FBXO36: variants seen among roughly 807,000 people sequenced by gnomAD.
FBXO36 encodes F-box only protein 36.
FBXO36 carries 18 observed loss-of-function variants against 17.0 expected under a neutral mutation model. The ratio of observed to expected loss-of-function variants is 1.06; its 90% CI spans 0.73 to 1.57. The LOEUF is 1.57. Ranked by LOEUF, FBXO36 falls within the 40% of genes most tolerant of loss-of-function variation. FBXO36 has a pLI of 0.00. For missense variants in FBXO36, 229 were observed against 221.9 expected, an observed-to-expected ratio of 1.03 and a Z score of -0.20; for synonymous variants, 83 against 85.3, an observed-to-expected ratio of 0.97 and a Z score of 0.15.
intron 1 of FBXO36, among the ~76,000 whole-genome samples, chr2:229,945,552 C>T (rs1181525681): frequency 1.3e-5 from 2 of 151,842 alleles, no homozygotes; most frequent in Non-Finnish European, 2.9e-5. Context: ...GTGATCCACC[C>T]GCCTTGGCTT....
At chr2:229,969,384 T>TA (rs756723393) in intron 1 of FBXO36, among the ~76,000 whole-genome samples, 266 of 118,602 alleles carry the variant, frequency 2.2e-3, no homozygotes, top group East Asian at 9.0e-3. Context: ...ACTCACAAAT[T>TA]AAAAAAAAAA....
At chr2:229,962,671 C>T (rs1345961629) in intron 1 of FBXO36, among the ~76,000 whole-genome samples, 2 of 151,262 alleles carry the variant, frequency 1.3e-5, no homozygotes, top group African/African-American at 4.9e-5. Context: ...CACTCAGCAG[C>T]CTTGGCATTT....
At chr2:229,984,348 AAAAC>A (rs1290211849) in intron 2 of FBXO36, among the ~76,000 whole-genome samples, 1 of 151,822 alleles carries the variant, frequency 6.6e-6, no homozygotes, top group Non-Finnish European at 1.5e-5. Flanking sequence ...CTCTATCTCA[AAAAC>A]AAACAAAAAA....
intron 1 of FBXO36, among the ~76,000 whole-genome samples, chr2:229,952,520 G>A (rs541079351): frequency 6.6e-6 from 1 of 152,302 alleles, no homozygotes; most frequent in African/African-American, 2.4e-5. Context: ...TTTCAATCAA[G>A]TTGGGGAGTG....
Position 229,922,574 on chromosome 2 carries a change from A to G in FBXO36, c.61A>G (p.Lys21Glu). 1 of 1,614,068 alleles carries G rather than the reference A, an allele frequency of 6.2e-7. No individual in the cohort carries two copies. The highest frequency in any genetic ancestry group is 8.5e-7 in the Non-Finnish European group (1 of 1,180,006). Residue 21 changes from lysine (K) to glutamate (E), a missense_variant, in exon 1 of 4, where the codon AAA becomes GAA. Physicochemically the swap from Lys to Glu is moderately conservative, Grantham distance 56 (BLOSUM62 1). Transcript: ENST00000283946. ...TGTAGGACAAGGCCCGCCGCCTAGC[A>G]AAGACTATTACCAGTTACTGGTCAC... Reference protein sequence around the residue: ...ETVGQGPPPSKDYYQLLVTRS... With the variant: ...ETVGQGPPPSEDYYQLLVTRS...
Position 229,933,596 on chromosome 2 carries a change from G to A in FBXO36, c.96+10987G>A, listed in dbSNP as rs1336118577. Among the ~76,000 whole-genome samples the A allele has an allele frequency of 3.3e-5, 5 of 151,986 alleles. No homozygotes were observed. The South Asian group carries it at 6.2e-4, about 19-fold the overall frequency. On this transcript the variant is annotated intron_variant, in intron 1 of 3. Transcript: ENST00000283946. Reference sequence around the variant, plus strand: ...CATCATGAGCCGGGTGCAGGGGTGCGAGCCTATAGTCCCAGCTATTGAGAA... The same window carrying A: ...CATCATGAGCCGGGTGCAGGGGTGCAAGCCTATAGTCCCAGCTATTGAGAA...
chr2:229,997,379 A>G (rs1489648847), intron 3 of FBXO36, among the ~76,000 whole-genome samples: 1 of 151,656 alleles, frequency 6.6e-6, no homozygotes, highest in Admixed American at 6.6e-5. Context: ...GGAGTTTGAG[A>G]CCAGCCTGGC....
intron 1 of FBXO36, among the ~76,000 whole-genome samples, chr2:229,934,495 C>T (rs1420087712): frequency 6.6e-6 from 1 of 152,118 alleles, no homozygotes; most frequent in Non-Finnish European, 1.5e-5. Flanking sequence ...GACCACAGCA[C>T]CCTCTTTTCC....
intron 2 of FBXO36, among the ~76,000 whole-genome samples, chr2:229,981,375 T>C (rs1468154185): frequency 1.3e-5 from 2 of 151,946 alleles, no homozygotes; most frequent in African/African-American, 4.8e-5. Context: ...ATACCTGATA[T>C]ATGAACAGAT....
In FBXO36 at chr2:229,922,556, C is replaced by G. The variant is rs887670235; in HGVS notation, c.43C>G (p.Gln15Glu). 7 of 1,613,964 alleles carry G rather than the reference C, an allele frequency of 4.3e-6. No individual in the cohort carries two copies. The highest frequency in any genetic ancestry group is 5.9e-6 in the Non-Finnish European group (7 of 1,180,020). The stretch of plus-strand genomic sequence containing the variant: ...GGAGACTCTCTTTGAAACTGTAGGA[C>G]AAGGCCCGCCGCCTAGCAAAGACTA... ...LPETLFETVG[Q>E]GPPPSKDYYQ... The change falls in exon 1 of 4, where the codon CAA (glutamine) becomes GAA (glutamate). Residue 15 changes from glutamine to glutamate, a missense_variant. Coordinates refer to ENST00000283946, the MANE Select transcript of FBXO36 (RefSeq NM_174899.5).
At chr2:229,986,533 ATTTTTTT>A (rs1223670808) in intron 2 of FBXO36, among the ~76,000 whole-genome samples, 1 of 140,364 alleles carries the variant, frequency 7.1e-6, no homozygotes, top group African/African-American at 2.6e-5. Flanking sequence ...AAACATAAAA[ATTTTTTT>A]TTTTTTTTTT....
At chr2:229,972,618 A>T (rs1032452663) in intron 1 of FBXO36, among the ~76,000 whole-genome samples, 5 of 151,688 alleles carry the variant, frequency 3.3e-5, no homozygotes, top group African/African-American at 4.8e-5. Flanking sequence ...GGCACTTTGG[A>T]TATTCTCTCA....
At chr2:229,995,573 TC>T (rs1202864307) in intron 2 of FBXO36, among the ~76,000 whole-genome samples, 3 of 147,240 alleles carry the variant, frequency 2.0e-5, no homozygotes, top group Non-Finnish European at 4.5e-5. Flanking sequence ...TTTCTTTCTT[TC>T]TTTCTTTCTC....
intron 2 of FBXO36, among the ~76,000 whole-genome samples, chr2:229,987,828 G>A (rs916658427): frequency 6.6e-6 from 1 of 151,882 alleles, no homozygotes; most frequent in African/African-American, 2.4e-5. Flanking sequence ...ACTATGGTGC[G>A]CAGGCTGGTC....
In FBXO36 at chr2:229,939,584, C is replaced by T. The variant is rs552385597; in HGVS notation, c.96+16975C>T. On this transcript the variant is annotated intron_variant, in intron 1 of 3. Coordinates refer to ENST00000283946, the MANE Select transcript of FBXO36 (RefSeq NM_174899.5). Reference sequence around the variant, plus strand: ...TGAGATGGCGCCACTGCACTCCAGCCTGGGTGACAGAGCGCGATTCTGCCT... The same window carrying T: ...TGAGATGGCGCCACTGCACTCCAGCTTGGGTGACAGAGCGCGATTCTGCCT... Among the ~76,000 whole-genome samples, 43 of 152,164 alleles carry T rather than the reference C, an allele frequency of 2.8e-4. 1 individual carries two copies. The highest frequency in any genetic ancestry group is 4.9e-4 in the Non-Finnish European group (33 of 67,986).
At chr2:229,932,244 G>A (rs1049556859) in intron 1 of FBXO36, among the ~76,000 whole-genome samples, 3 of 151,898 alleles carry the variant, frequency 2.0e-5, no homozygotes, top group Non-Finnish European at 2.9e-5. Context: ...GCCAGGGCCC[G>A]GCACGGTGGC....
At chr2:229,922,969 G>A (rs761719778) in intron 1 of FBXO36, among the ~76,000 whole-genome samples, 87 of 152,342 alleles carry the variant, frequency 5.7e-4, no homozygotes, top group Middle Eastern at 3.4e-3. Context: ...GGGAAAGAAC[G>A]ACTCAGCCAA....
At chr2:229,976,206 A>G (rs934619894) in intron 1 of FBXO36, 35 bp from the exon 2 acceptor site, 2 of 1,506,302 alleles carry the variant, frequency 1.3e-6, no homozygotes, top group African/African-American at 1.4e-5. Flanking sequence ...TATTGAAATC[A>G]ATTTTAATTC....
intron 1 of FBXO36, among the ~76,000 whole-genome samples, chr2:229,937,097 A>G (rs1436932595): frequency 3.3e-5 from 5 of 152,168 alleles, no homozygotes; most frequent in African/African-American, 1.2e-4. Context: ...TATAGCCCAG[A>G]AAGAAAACAA....
Sources: gnomAD v4.1 joint callset for allele counts (sites outside exome capture counted in the v4.1 genomes callset) on GRCh38, gnomAD v4.1.1 for gene constraint, MANE v1.5 for transcripts, NCBI Gene and HGNC (gene_info 2026-07-23, HGNC 2026-07-21) for gene names.